SCFD2: variants seen among roughly 807,000 people sequenced by gnomAD.
SCFD2 encodes sec1 family domain containing 2.
SCFD2 carries 54 observed loss-of-function variants against 58.9 expected under a neutral mutation model. That is an observed-to-expected ratio of 0.92 (90% confidence interval 0.74 to 1.15). The LOEUF (loss-of-function observed/expected upper bound fraction) is 1.15. Ranked by LOEUF, SCFD2 falls within the 50% of genes most tolerant of loss-of-function variation. The pLI is 0.00. For missense variants in SCFD2, 805 were observed against 836.6 expected (o/e 0.96, Z 0.47); for synonymous variants, 321 against 335.9 (o/e 0.96, Z 0.49).
At chr4:53,104,807 C>G (rs1724937801) in intron 5 of SCFD2, among the ~76,000 whole-genome samples, 1 of 152,206 alleles carries the variant, frequency 6.6e-6, no homozygotes, top group Admixed American at 6.5e-5. Flanking sequence ...GACGTTTCCT[C>G]ACAGTTAGTT....
chr4:52,967,132 T>C (rs1010819183), intron 5 of SCFD2, among the ~76,000 whole-genome samples: 4 of 152,238 alleles, frequency 2.6e-5, no homozygotes, highest in Non-Finnish European at 5.9e-5. Context: ...TTACTTCAGT[T>C]AGCATAATGT....
chr4:53,133,372 A>G (rs1209819216), intron 5 of SCFD2, among the ~76,000 whole-genome samples: 1 of 151,720 alleles, frequency 6.6e-6, no homozygotes, highest in African/African-American at 2.4e-5. Context: ...GAAGTACTTC[A>G]TATGTTATAA....
In SCFD2 at chr4:53,037,561, T is replaced by C. The variant is rs1342431754; in HGVS notation, c.1561+107772A>G. On this transcript the variant is annotated intron_variant, in intron 5 of 8. Coordinates refer to ENST00000401642, the MANE Select transcript of SCFD2 (RefSeq NM_152540.4). Reference sequence around the variant, plus strand: ...TTAAAAATGAGTTTCAGCAATAATTTGAAATGGAAACTTGATTCTGAGTAC... The same window carrying C: ...TTAAAAATGAGTTTCAGCAATAATTCGAAATGGAAACTTGATTCTGAGTAC... Among the ~76,000 whole-genome samples, 11 of 152,140 alleles carry C rather than the reference T, an allele frequency of 7.2e-5. No homozygotes were observed. In the East Asian group the frequency reaches 2.1e-3, roughly 29 times the overall value.
At chr4:53,042,937 C>G (rs552045603) in intron 5 of SCFD2, among the ~76,000 whole-genome samples, 1 of 152,110 alleles carries the variant, frequency 6.6e-6, no homozygotes, top group Non-Finnish European at 1.5e-5. Flanking sequence ...AGGACTTACT[C>G]TACTTATTCT....
chr4:53,303,779 A>T (rs1172804879), intron 3 of SCFD2, among the ~76,000 whole-genome samples: 1 of 152,046 alleles, frequency 6.6e-6, no homozygotes, highest in Admixed American at 6.5e-5. Context: ...GCCATAAAAA[A>T]GGATGAGTTC....
At chr4:53,327,166 C>T (rs776078643) in intron 2 of SCFD2, among the ~76,000 whole-genome samples, 4 of 151,850 alleles carry the variant, frequency 2.6e-5, no homozygotes, top group Non-Finnish European at 5.9e-5. Flanking sequence ...GAGCGGGTAT[C>T]GTCTTGGGGA....
At chr4:52,928,958 A>G (rs1719926529) in intron 5 of SCFD2, among the ~76,000 whole-genome samples, 1 of 152,198 alleles carries the variant, frequency 6.6e-6, no homozygotes, top group African/African-American at 2.4e-5. Flanking sequence ...CGGCTGATAA[A>G]CTGTTTCTGC....
At chr4:52,971,610 G>A (rs894936871) in intron 5 of SCFD2, among the ~76,000 whole-genome samples, 1 of 152,214 alleles carries the variant, frequency 6.6e-6, no homozygotes, top group Non-Finnish European at 1.5e-5. Context: ...TTATCCAGGA[G>A]AACTTCTCCA....
chr4:53,281,010 G>T (rs936575032), intron 3 of SCFD2, among the ~76,000 whole-genome samples: 33 of 152,308 alleles, frequency 2.2e-4, no homozygotes, highest in African/African-American at 7.9e-4. Flanking sequence ...ACCCTATGAA[G>T]CACCCATTCA....
At chr4:53,338,649 C>T (rs1733759918) in intron 2 of SCFD2, among the ~76,000 whole-genome samples, 1 of 110,052 alleles carries the variant, frequency 9.1e-6, no homozygotes. Flanking sequence ...GGCGGGATCT[C>T]GGCTCACTGC....
intron 4 of SCFD2, among the ~76,000 whole-genome samples, chr4:53,226,931 C>T (rs1729235314): frequency 6.6e-6 from 1 of 152,144 alleles, no homozygotes; most frequent in South Asian, 2.1e-4. Context: ...TACATTTTTT[C>T]TGTGGGTTAT....
At chr4:53,071,619 T>A (rs750717793) in intron 5 of SCFD2, among the ~76,000 whole-genome samples, 4 of 152,070 alleles carry the variant, frequency 2.6e-5, no homozygotes, top group Non-Finnish European at 5.9e-5. Context: ...CATGTTATCT[T>A]GCCAAAAGTT....
At chr4:53,334,755 G>T (rs1163983407) in intron 2 of SCFD2, among the ~76,000 whole-genome samples, 1 of 151,996 alleles carries the variant, frequency 6.6e-6, no homozygotes, top group East Asian at 1.9e-4. Flanking sequence ...GTATAAAAAA[G>T]AAAAAAATTA....
intron 5 of SCFD2, among the ~76,000 whole-genome samples, chr4:52,975,916 C>T (rs1227742230): frequency 5.3e-5 from 8 of 151,062 alleles, no homozygotes; most frequent in Admixed American, 1.3e-4. Context: ...AGCAAACTAT[C>T]GCAAGGACAA....
intron 4 of SCFD2, among the ~76,000 whole-genome samples, chr4:53,250,497 A>C (rs1256172827): frequency 1.3e-5 from 2 of 151,924 alleles, no homozygotes; most frequent in African/African-American, 4.8e-5. Context: ...ACAGAATATA[A>C]AGCTCTCCTC....
intron 5 of SCFD2, among the ~76,000 whole-genome samples, chr4:53,007,534 T>C (rs7665671): frequency 0.49 from 74,004 of 151,850 alleles, 18,235 homozygotes; most frequent in Non-Finnish European, 0.5. Context: ...ATTCTGGAGC[T>C]AGACTGTCTA....
At chr4:52,995,186 C>T (rs377514454) in intron 5 of SCFD2, among the ~76,000 whole-genome samples, 2 of 152,248 alleles carry the variant, frequency 1.3e-5, no homozygotes, top group African/African-American at 4.8e-5. Context: ...TTTACTGCAA[C>T]TAGATGGTCC....
chr4:53,240,510 C>T (rs1729860355), intron 4 of SCFD2, among the ~76,000 whole-genome samples: 1 of 152,208 alleles, frequency 6.6e-6, no homozygotes, highest in African/African-American at 2.4e-5. Flanking sequence ...TATTATGTCA[C>T]CATTTCATTG....
chr4:53,212,926 C>T (rs1728668676), intron 4 of SCFD2, among the ~76,000 whole-genome samples: 1 of 151,484 alleles, frequency 6.6e-6, no homozygotes, highest in South Asian at 2.1e-4. Context: ...AAAAATTCTA[C>T]ACATGAGAGA....
Sources: gnomAD v4.1 joint callset for allele counts (sites outside exome capture counted in the v4.1 genomes callset) on GRCh38, gnomAD v4.1.1 for gene constraint, MANE v1.5 for transcripts, NCBI Gene and HGNC (gene_info 2026-07-23, HGNC 2026-07-21) for gene names.